SETD2: variants seen among roughly 807,000 people sequenced by gnomAD.
SETD2 encodes the protein SET domain containing 2, histone lysine methyltransferase.
In SETD2, 31 loss-of-function variants were observed where a neutral mutation model predicts 242.1. That is an observed-to-expected ratio of 0.13 (90% confidence interval 0.10 to 0.17). The LOEUF (loss-of-function observed/expected upper bound fraction) is 0.17. Among genes scored for constraint, SETD2 ranks in the 10% least tolerant of loss-of-function variants. SETD2 has a pLI of 1.00. For synonymous variants in SETD2, 1,006 were observed against 1,066.5 expected, an observed-to-expected ratio of 0.94 and a Z score of 1.11; for missense variants, 2,481 against 3,046.3, an observed-to-expected ratio of 0.81 and a Z score of 4.37.
chr3:47,030,035 GCTA>G (rs1310850588), intron 18 of SETD2, among the ~76,000 whole-genome samples: 5 of 151,950 alleles, frequency 3.3e-5, no homozygotes. Flanking sequence ...TGTAATCCCA[GCTA>G]CTTGGGAGGC....
chr3:47,157,360 T>A (rs2044148871), intron 1 of SETD2, among the ~76,000 whole-genome samples: 1 of 152,194 alleles, frequency 6.6e-6, no homozygotes, highest in African/African-American at 2.4e-5. Context: ...TGAGCTATAA[T>A]CTTGCCACTG....
chr3:47,120,462 T>C lies in SETD2; in HGVS notation c.4174A>G (p.Asn1392Asp). The C allele has an allele frequency of 6.2e-7, 1 of 1,613,340 alleles. No homozygotes were observed. The highest frequency in any genetic ancestry group is 1.1e-5 in the South Asian group (1 of 90,974). The stretch of plus-strand genomic sequence containing the variant: ...TCTTTGATATCATTTTTTTCTAAGT[T>C]TTTTGAAAAATCTTTCTTTTCATTC... Reference protein sequence around the residue: ...AVNEKKDFSKNLEKNDIKDRG... With the variant: ...AVNEKKDFSKDLEKNDIKDRG... Residue 1392 changes from asparagine (N) to aspartate (D), a missense_variant, in exon 3 of 21, where the codon AAC becomes GAC. Physicochemically the swap from Asn to Asp is conservative, Grantham distance 23 (BLOSUM62 1). Transcript: ENST00000409792.
At chr3:47,143,978 G>A (rs576628182) in intron 1 of SETD2, among the ~76,000 whole-genome samples, 25 of 152,236 alleles carry the variant, frequency 1.6e-4, no homozygotes, top group African/African-American at 4.6e-4. Flanking sequence ...CCAAAGTGCC[G>A]GGATTACAGG....
In SETD2 at chr3:47,123,203, G is replaced by A. The variant is rs780072755; in HGVS notation, c.1433C>T (p.Ser478Phe). 1 of 1,584,058 alleles carries A rather than the reference G, an allele frequency of 6.3e-7. No homozygotes were observed. Among genetic ancestry groups the A allele is most frequent in the South Asian group, 1.1e-5 (1 of 88,466 alleles). ...TYSRRTSSHS[S>F]SYRDLRTSSY... is the part of the protein sequence containing the mutation. ...TGATGTCCTTAGGTCTCTGTAAGAA[G>A]AGGAATGAGATGAGGTACGCCTTGA... Residue 478 changes from serine to phenylalanine, a missense_variant, in exon 3 of 21, where the codon TCT becomes TTT. Physicochemically the swap from Ser to Phe is radical, Grantham distance 155. Around this residue, in one of 17 missense-constraint regions of SETD2, gnomAD observed 1,300 missense variants for 1,259.2 expected, o/e 1.03. Coordinates refer to ENST00000409792, the MANE Select transcript of SETD2 (RefSeq NM_014159.7).
In SETD2 at chr3:47,080,990, C is replaced by T. The variant is rs529650240; in HGVS notation, c.6060+2730G>A. The T allele has an allele frequency of 1.6e-5, 16 of 986,890 alleles. 1 individual carries two copies. The Middle Eastern group carries it at 1.6e-3, about 97-fold the overall frequency. 61.1% of individuals were successfully genotyped at this position (986,890 alleles called of 1,614,324 possible). On this transcript the variant is annotated intron_variant, in intron 12 of 20. Transcript: ENST00000409792. ...CTTCACAGAATGCACGCTAGGTTCT[C>T]GTTTTTCTTCAGCACGAAGTTGGAA...
At chr3:47,061,150 G>A (rs909465266) in intron 14 of SETD2, among the ~76,000 whole-genome samples, 1 of 151,940 alleles carries the variant, frequency 6.6e-6, no homozygotes, top group Non-Finnish European at 1.5e-5. Context: ...CCCGGGAGGC[G>A]GAGCTTGCAG....
chr3:47,154,381 C>A (rs1298278394), intron 1 of SETD2, among the ~76,000 whole-genome samples: 1 of 151,814 alleles, frequency 6.6e-6, no homozygotes, highest in Non-Finnish European at 1.5e-5. Flanking sequence ...TGCACTCCAG[C>A]CTGGGCAAGA....
intron 14 of SETD2, among the ~76,000 whole-genome samples, chr3:47,061,918 C>T (rs928762090): frequency 1.3e-5 from 2 of 152,290 alleles, no homozygotes; most frequent in East Asian, 1.9e-4. Flanking sequence ...GCTCCCAAAA[C>T]GACATTTAAA....
At chr3:47,114,978 G>A (rs1209685972) in intron 4 of SETD2, among the ~76,000 whole-genome samples, 1 of 151,868 alleles carries the variant, frequency 6.6e-6, no homozygotes, top group African/African-American at 2.4e-5. Flanking sequence ...TTTAGCAATG[G>A]TCAAAGGATG....
intron 10 of SETD2, among the ~76,000 whole-genome samples, chr3:47,087,684 T>C (rs115700641): frequency 0.015 from 2,253 of 152,250 alleles, 23 homozygotes; most frequent in South Asian, 0.027. Flanking sequence ...AAAATAAAAC[T>C]GGCCGGCCAT....
At chr3:47,112,580 C>T (rs532770563) in intron 5 of SETD2, among the ~76,000 whole-genome samples, 10 of 151,492 alleles carry the variant, frequency 6.6e-5, no homozygotes, top group African/African-American at 2.2e-4. Context: ...CCACGTCCAG[C>T]GTAATTTTGG....
chr3:47,105,903 C>CAAAAA (rs55987628), intron 6 of SETD2, 94 bp downstream of exon 6: 36 of 967,424 alleles, frequency 3.7e-5, no homozygotes, highest in South Asian at 1.3e-4. Context: ...ACTCCGTCTC[C>CAAAAA]AAAAAAAAAA....
intron 15 of SETD2, among the ~76,000 whole-genome samples, chr3:47,051,380 C>G (rs1421049441): frequency 1.3e-5 from 2 of 152,270 alleles, no homozygotes; most frequent in Admixed American, 6.5e-5. Flanking sequence ...GCTTAGATTA[C>G]AGGCATGAGC....
At position 47,120,728 on chromosome 3, in the gene SETD2, T is replaced by C. The variant is rs574705730; in HGVS notation, c.3908A>G (p.Asn1303Ser). 28 of 1,614,200 alleles carry C rather than the reference T, an allele frequency of 1.7e-5. No homozygotes were observed. The highest frequency in any genetic ancestry group is 1.6e-4 in the East Asian group (7 of 44,884). ...YGGTRDYWQGNGYWDPRSGRP... is the reference protein window; with the variant it reads ...YGGTRDYWQGSGYWDPRSGRP... Reference sequence around the variant, plus strand: ...ACCTGATCTTGGATCCCAGTAACCATTGCCTTGCCAGTAATCACGTGTCCC... The same window carrying C: ...ACCTGATCTTGGATCCCAGTAACCACTGCCTTGCCAGTAATCACGTGTCCC... Residue 1303 changes from asparagine to serine, a missense_variant, in exon 3 of 21, where the codon AAT becomes AGT. By Grantham distance (46) the Asn-to-Ser change is conservative (BLOSUM62 1). This residue lies in a region of SETD2 where 1,300 missense variants were observed against 1,259.2 expected (regional missense o/e 1.03). Coordinates refer to ENST00000409792, the MANE Select transcript of SETD2 (RefSeq NM_014159.7).
At chr3:47,115,562 G>A (rs1177955162) in intron 4 of SETD2, among the ~76,000 whole-genome samples, 5 of 151,610 alleles carry the variant, frequency 3.3e-5, no homozygotes, top group African/African-American at 9.7e-5. Context: ...ACTGAGCTTT[G>A]GGGAAAAAAA....
intron 12 of SETD2, among the ~76,000 whole-genome samples, chr3:47,072,035 G>A (rs1317929182): frequency 4.6e-5 from 7 of 152,312 alleles, no homozygotes; most frequent in East Asian, 1.9e-4. Context: ...TTGGTGGGGC[G>A]CAGTGGCTCA....
intron 15 of SETD2, among the ~76,000 whole-genome samples, chr3:47,052,450 G>C (rs1385981556): frequency 6.6e-6 from 1 of 152,198 alleles, no homozygotes; most frequent in Non-Finnish European, 1.5e-5. Context: ...TGGGATTACA[G>C]ATGTGAGCCA....
At chr3:47,141,020 A>G (rs892650088) in intron 1 of SETD2, among the ~76,000 whole-genome samples, 1 of 152,142 alleles carries the variant, frequency 6.6e-6, no homozygotes, top group Admixed American at 6.6e-5. Context: ...TTTGTGAGAC[A>G]GGATCTCACT....
rs2107745099 is a variant in SETD2 at position 47,120,714 on chromosome 3, G to A, written c.3922C>T (p.Pro1308Ser). The part of the protein sequence containing the change: ...DYWQGNGYWD[P>S]RSGRPPGTGV... The stretch of plus-strand genomic sequence containing the variant: ...GTTCCAGGAGGTCTACCTGATCTTG[G>A]ATCCCAGTAACCATTGCCTTGCCAG... The change falls in exon 3 of 21, where the codon CCA (proline) becomes TCA (serine). Residue 1308 changes from proline to serine, a missense_variant. Physicochemically the swap from Pro to Ser is moderately conservative, Grantham distance 74 (BLOSUM62 -1). This residue lies in a region of SETD2 where 1,300 missense variants were observed against 1,259.2 expected (regional missense o/e 1.03). Transcript: ENST00000409792. 6.2e-7 allele frequency: 1 copy of A among 1,614,120 alleles called. No homozygotes were observed. The highest frequency in any genetic ancestry group is 1.1e-5 in the South Asian group (1 of 91,062).
Sources: gnomAD v4.1 joint callset for allele counts (sites outside exome capture counted in the v4.1 genomes callset) on GRCh38, gnomAD v4.1.1 for gene constraint, gnomAD v4.1.1 regional missense constraint, MANE v1.5 for transcripts, NCBI Gene and HGNC (gene_info 2026-07-23, HGNC 2026-07-21) for gene names.